TBCK: variants seen among roughly 807,000 people sequenced by gnomAD.
The protein encoded by TBCK is TBC1 domain containing kinase, also known as TBC domain-containing protein kinase-like protein.
Under a neutral mutation model 113.4 loss-of-function variants are expected in TBCK, and 99 were observed. The observed-to-expected ratio is 0.87, with a 90% CI of 0.74 to 1.03. The LOEUF is 1.03. Among genes scored for constraint, TBCK ranks in the 50% least tolerant of loss-of-function variants. The probability of loss-of-function intolerance (pLI) is 0.00; values close to 1 mark genes in which losing one functional copy is unlikely to be tolerated. For synonymous variants in TBCK, 369 were observed against 370.8 expected (o/e 1.00, Z 0.05); for missense variants, 1,045 against 1,061.3 (o/e 0.98, Z 0.21).
At chr4:106,100,587 T>C (rs918191442) in intron 24 of TBCK, among the ~76,000 whole-genome samples, 3 of 152,178 alleles carry the variant, frequency 2.0e-5, no homozygotes, top group African/African-American at 7.2e-5. Context: ...ACACATCAAA[T>C]TTCTGGATAA....
chr4:106,316,572 G>C, upstream of TBCK: 1 of 1,551,618 alleles, frequency 6.4e-7, no homozygotes. Flanking sequence ...GGCTGTCTCG[G>C]AACCCGTGGT....
intron 23 of TBCK, among the ~76,000 whole-genome samples, chr4:106,152,538 C>T (rs563749752): frequency 6.6e-6 from 1 of 151,808 alleles, no homozygotes; most frequent in South Asian, 2.1e-4. Flanking sequence ...TATTGGCCTA[C>T]AGTTTTCTTT....
intron 20 of TBCK, among the ~76,000 whole-genome samples, chr4:106,205,237 G>C (rs1377184411): frequency 6.6e-6 from 1 of 152,082 alleles, no homozygotes; most frequent in Non-Finnish European, 1.5e-5. Flanking sequence ...TAATAAATGT[G>C]ATTTTAAAAA....
rs929914541 is a variant in TBCK at position 106,235,326 on chromosome 4, T to A, written c.1392A>T (p.Arg464Ser). The change falls in exon 15 of 26, where the codon AGA (arginine) becomes AGT (serine). Residue 464 changes from arginine (R) to serine (S), a missense_variant. Arg to Ser is a moderately radical substitution (Grantham distance 110). Transcript: ENST00000394708. ...YKKNQIWKEA[R>S]VDIPPLMRGL... ...CTCTCATAAGAGGAGGAATGTCAAC[T>A]CTTGCTTCTTTCCAGATTTGGTTTT... The A allele has an allele frequency of 2.5e-6, 4 of 1,610,858 alleles. No homozygotes were observed. The highest frequency in any genetic ancestry group is 1.7e-5 in the Admixed American group (1 of 59,692).
intron 1 of TBCK, among the ~76,000 whole-genome samples, chr4:106,313,950 T>C (rs1387643802): frequency 6.6e-6 from 1 of 152,236 alleles, no homozygotes; most frequent in Non-Finnish European, 1.5e-5. Context: ...TTGACCTTGA[T>C]ATCATAAATA....
intron 25 of TBCK, among the ~76,000 whole-genome samples, chr4:106,058,481 T>C (rs973481692): frequency 7.9e-5 from 12 of 151,780 alleles, no homozygotes; most frequent in Non-Finnish European, 1.6e-4. Context: ...ACTTGAGTTG[T>C]TAAGGAAGAC....
chr4:106,150,135 T>C (rs1379136558), intron 23 of TBCK, among the ~76,000 whole-genome samples: 1 of 152,096 alleles, frequency 6.6e-6, no homozygotes, highest in East Asian at 1.9e-4. Flanking sequence ...AAAGAGAGGC[T>C]TAGAGAGTGA....
At chr4:106,111,328 T>G (rs994133780) in intron 24 of TBCK, among the ~76,000 whole-genome samples, 4 of 152,232 alleles carry the variant, frequency 2.6e-5, no homozygotes, top group African/African-American at 9.6e-5. Flanking sequence ...TTGCAACCTA[T>G]GGGGCCCCTT....
chr4:106,206,389 T>C (rs1334433230), intron 20 of TBCK, among the ~76,000 whole-genome samples: 2 of 152,206 alleles, frequency 1.3e-5, no homozygotes, highest in Admixed American at 6.5e-5. Flanking sequence ...CTGGGCACTT[T>C]CTGAAAGGTA....
intron 3 of TBCK, among the ~76,000 whole-genome samples, chr4:106,264,393 G>A (rs557257809): frequency 6.6e-6 from 1 of 150,620 alleles, no homozygotes; most frequent in South Asian, 2.1e-4. Context: ...AGCAAGTCCT[G>A]AACTGGTATA....
chr4:106,048,776 T>A (rs540355674), intron 25 of TBCK, among the ~76,000 whole-genome samples: 11 of 152,202 alleles, frequency 7.2e-5, no homozygotes, highest in Admixed American at 5.9e-4. Context: ...GCAACTAATC[T>A]CCCTTAAACT....
chr4:106,143,214 C>T (rs907493760), intron 23 of TBCK, among the ~76,000 whole-genome samples: 5 of 152,170 alleles, frequency 3.3e-5, no homozygotes, highest in Non-Finnish European at 7.3e-5. Flanking sequence ...ACAATATATT[C>T]TAGAAATACT....
rs200690220 is a variant in TBCK, at chr4:106,250,418, C to T, written c.658G>A (p.Asp220Asn). 3.9e-4 allele frequency: 601 copies of T among 1,557,740 alleles called. 3 individuals carry two copies. The highest frequency in any genetic ancestry group is 5.1e-4 in the Middle Eastern group (3 of 5,924). Reference sequence around the variant, plus strand: ...AGATAAGCAATTGTACGACACTTACCCAAAGTAAGCAAAAATTTTAGTCTT... The same window carrying T: ...AGATAAGCAATTGTACGACACTTACTCAAAGTAAGCAAAAATTTTAGTCTT... ...SERLKFLLTL[D>N]CVDDTLIVLA... Residue 220 changes from aspartate (D) to asparagine (N), a missense_variant and splice_region_variant, in exon 7 of 26, where the codon GAT becomes AAT. Physicochemically the swap from Asp to Asn is conservative, Grantham distance 23. Transcript: ENST00000394708.
At chr4:106,309,162 T>C (rs1236250254) in intron 1 of TBCK, among the ~76,000 whole-genome samples, 173 bp from the exon 2 acceptor site, 2 of 152,046 alleles carry the variant, frequency 1.3e-5, no homozygotes, top group African/African-American at 4.8e-5. Flanking sequence ...TCAGCATAAA[T>C]TTATATTGCA....
intron 23 of TBCK, among the ~76,000 whole-genome samples, chr4:106,167,166 G>GTATATATAGAACTGTATATA (rs918734512): frequency 6.9e-6 from 1 of 144,994 alleles, no homozygotes; most frequent in Non-Finnish European, 1.5e-5. Flanking sequence ...ATATAGAACT[G>GTATATATAGAACTGTATATA]TATATATAGA....
At chr4:106,175,113 C>T (rs1474165169) in intron 22 of TBCK, among the ~76,000 whole-genome samples, 1 of 148,058 alleles carries the variant, frequency 6.8e-6, no homozygotes, top group Non-Finnish European at 1.5e-5. Context: ...TCCAGCCTGG[C>T]TACAGAGCAA....
intron 23 of TBCK, among the ~76,000 whole-genome samples, chr4:106,118,083 TTTTAA>T (rs1409441650): frequency 6.6e-6 from 1 of 152,030 alleles, no homozygotes; most frequent in Non-Finnish European, 1.5e-5. Context: ...TTCAAAAAAT[TTTTAA>T]TTTATGTTTC....
At chr4:106,145,590 T>G (rs1747689642) in intron 23 of TBCK, among the ~76,000 whole-genome samples, 1 of 152,164 alleles carries the variant, frequency 6.6e-6, no homozygotes, top group Non-Finnish European at 1.5e-5. Flanking sequence ...ATAGAAGTTG[T>G]TTATACTATA....
chr4:106,290,711 G>A (rs907250062), intron 3 of TBCK, among the ~76,000 whole-genome samples: 6 of 152,100 alleles, frequency 3.9e-5, no homozygotes, highest in South Asian at 2.1e-4. Context: ...CTAGGACTGC[G>A]CAGCAAGAGG....
Sources: gnomAD v4.1 joint callset for allele counts (sites outside exome capture counted in the v4.1 genomes callset) on GRCh38, gnomAD v4.1.1 for gene constraint, MANE v1.5 for transcripts, NCBI Gene and HGNC (gene_info 2026-07-23, HGNC 2026-07-21) for gene names.